HMCN1: variants seen among roughly 807,000 people sequenced by gnomAD.
The protein encoded by HMCN1 is hemicentin 1, also known as hemicentin-1.
In HMCN1, 321 loss-of-function variants were observed where a neutral mutation model predicts 625.9. The ratio of observed to expected loss-of-function variants is 0.51; its 90% CI spans 0.47 to 0.56. The LOEUF (loss-of-function observed/expected upper bound fraction) is 0.56, where lower values mean the gene tolerates loss of function less well. HMCN1 is among the 20% of genes least tolerant of loss of function. HMCN1 has a pLI of 0.00. For synonymous variants in HMCN1, 2,425 were observed against 2,417.6 expected, an observed-to-expected ratio of 1.00 and a Z score of -0.09; for missense variants, 6,588 against 6,887.3, an observed-to-expected ratio of 0.96 and a Z score of 1.54.
At position 186,136,676 on chromosome 1, in the gene HMCN1, A is replaced by G. The variant is rs766040547; in HGVS notation, c.13321A>G (p.Ile4441Val). 1.9e-6 allele frequency: 3 copies of G among 1,613,900 alleles called. No individual in the cohort carries two copies. Among genetic ancestry groups the G allele is most frequent in the Non-Finnish European group, 2.5e-6 (3 of 1,179,842 alleles). ...TGTGCTTTTTTCCGTAGGTCCTCCT[A>G]TTATCACTCTTGAGCCAGTGGAAAC... ...SMSLTLQSPP[I>V]ITLEPVETVI... The change falls in exon 87 of 107, where the codon ATT (isoleucine) becomes GTT (valine). Residue 4441 changes from isoleucine (I) to valine (V), a missense_variant. Coordinates refer to ENST00000271588, the MANE Select transcript of HMCN1 (RefSeq NM_031935.3).
chr1:185,888,266 C>A (rs1332161316), intron 4 of HMCN1, among the ~76,000 whole-genome samples: 1 of 123,232 alleles, frequency 8.1e-6, no homozygotes, highest in Admixed American at 7.5e-5. Context: ...GTTGCCTGTT[C>A]ACTCTGATGG....
At chr1:185,784,752 T>TA (rs2102184710) in intron 1 of HMCN1, among the ~76,000 whole-genome samples, 1 of 152,274 alleles carries the variant, frequency 6.6e-6, no homozygotes, top group African/African-American at 2.4e-5. Context: ...TTTTGTATCT[T>TA]AAAAAACTAA....
intron 2 of HMCN1, among the ~76,000 whole-genome samples, chr1:185,850,643 A>G (rs1254407259): frequency 1.3e-5 from 2 of 152,134 alleles, no homozygotes; most frequent in Admixed American, 6.6e-5. Flanking sequence ...TCTGATACAG[A>G]CACTCTATAA....
At chr1:186,167,371 G>A (rs1011112231) in intron 100 of HMCN1, among the ~76,000 whole-genome samples, 1 of 152,122 alleles carries the variant, frequency 6.6e-6, no homozygotes, top group Non-Finnish European at 1.5e-5. Context: ...GCAAAATTGA[G>A]TAGAAAGTAC....
At chr1:186,147,729 C>T (rs1380473361) in intron 93 of HMCN1, among the ~76,000 whole-genome samples, 1 of 152,124 alleles carries the variant, frequency 6.6e-6, no homozygotes. Flanking sequence ...TATTAAGTAT[C>T]CAACAGCATC....
chr1:186,131,306 A>C (rs568186319), intron 85 of HMCN1, among the ~76,000 whole-genome samples: 2 of 151,830 alleles, frequency 1.3e-5, no homozygotes. Context: ...TTTTACTTCA[A>C]CATTAGATGT....
chr1:186,112,496 G>A (rs1392981187), intron 71 of HMCN1, among the ~76,000 whole-genome samples: 1 of 152,168 alleles, frequency 6.6e-6, no homozygotes, highest in Non-Finnish European at 1.5e-5. Context: ...AGGAAAAAGG[G>A]CACACCCTTT....
chr1:185,931,482 G>A (rs2102492479), intron 10 of HMCN1, among the ~76,000 whole-genome samples: 2 of 152,288 alleles, frequency 1.3e-5, no homozygotes, highest in South Asian at 4.1e-4. Context: ...CAGTGGTGGT[G>A]TCGTATGCCA....
At chr1:185,968,239 T>C (rs1448384393) in intron 14 of HMCN1, among the ~76,000 whole-genome samples, 1 of 152,080 alleles carries the variant, frequency 6.6e-6, no homozygotes, top group Non-Finnish European at 1.5e-5. Flanking sequence ...GGCTATGTGA[T>C]GTGTGATGTC....
intron 1 of HMCN1, among the ~76,000 whole-genome samples, chr1:185,793,398 T>A (rs1321759617): frequency 6.6e-6 from 1 of 152,204 alleles, no homozygotes; most frequent in Non-Finnish European, 1.5e-5. Context: ...TTAAATCTTC[T>A]GTGACTCGAC....
At chr1:185,863,748 G>A (rs1445274257) in intron 2 of HMCN1, among the ~76,000 whole-genome samples, 1 of 152,176 alleles carries the variant, frequency 6.6e-6, no homozygotes, top group Admixed American at 6.5e-5. Flanking sequence ...GCCTATTCAA[G>A]TAGAAAATAA....
At chr1:186,125,309 G>A (rs1661590577) in intron 81 of HMCN1, among the ~76,000 whole-genome samples, 1 of 151,934 alleles carries the variant, frequency 6.6e-6, no homozygotes, top group African/African-American at 2.4e-5. Context: ...ACTTAAAGAC[G>A]GAAAAGTCAG....
intron 1 of HMCN1, among the ~76,000 whole-genome samples, chr1:185,843,988 C>T (rs778748577): frequency 2.0e-5 from 3 of 152,126 alleles, no homozygotes; most frequent in Non-Finnish European, 2.9e-5. Flanking sequence ...TGCATGTTTA[C>T]ACTCTTTATT....
chr1:185,902,350 A>G (rs1270024026), intron 4 of HMCN1, among the ~76,000 whole-genome samples: 1 of 151,248 alleles, frequency 6.6e-6, no homozygotes. Context: ...ATCTGGCCAA[A>G]CTATGACCCT....
intron 2 of HMCN1, among the ~76,000 whole-genome samples, chr1:185,857,733 C>A (rs923365477): frequency 1.3e-5 from 2 of 152,124 alleles, no homozygotes; most frequent in African/African-American, 4.8e-5. Flanking sequence ...TCGAATATGT[C>A]AAGATTGCTT....
chr1:185,840,539 T>G, intron 1 of HMCN1, among the ~76,000 whole-genome samples: 1 of 152,160 alleles, frequency 6.6e-6, no homozygotes, highest in Non-Finnish European at 1.5e-5. Context: ...ACTCATACCC[T>G]GGATGCCTTC....
At chr1:186,020,158 C>G in intron 35 of HMCN1, among the ~76,000 whole-genome samples, 1 of 151,834 alleles carries the variant, frequency 6.6e-6, no homozygotes, top group East Asian at 1.9e-4. Flanking sequence ...GAAAAGTTCA[C>G]TTTTTTATCG....
At chr1:186,001,909 G>T (rs1168918363) in intron 28 of HMCN1, among the ~76,000 whole-genome samples, 168 bp downstream of exon 28, 1 of 152,002 alleles carries the variant, frequency 6.6e-6, no homozygotes, top group Non-Finnish European at 1.5e-5. Context: ...ATATGATATA[G>T]AAATTTTAAA....
chr1:186,159,530 C>G (rs1271706268), intron 97 of HMCN1, among the ~76,000 whole-genome samples: 1 of 152,146 alleles, frequency 6.6e-6, no homozygotes, highest in African/African-American at 2.4e-5. Context: ...AGTTTTTGTC[C>G]ATTCAGTATG....
Sources: gnomAD v4.1 joint callset for allele counts (sites outside exome capture counted in the v4.1 genomes callset) on GRCh38, gnomAD v4.1.1 for gene constraint, MANE v1.5 for transcripts, NCBI Gene and HGNC (gene_info 2026-07-23, HGNC 2026-07-21) for gene names.